Variants in CDH2 observed in about 807,000 individuals in gnomAD.
CDH2 encodes cadherin-2.
Under a neutral mutation model 92.0 loss-of-function variants are expected in CDH2, and 17 were observed. That is an observed-to-expected ratio of 0.18 (90% CI 0.13 to 0.28). The LOEUF (loss-of-function observed/expected upper bound fraction) is 0.28. Among genes scored for constraint, CDH2 ranks in the 10% least tolerant of loss-of-function variants. The pLI, the probability that CDH2 is intolerant of heterozygous loss-of-function variation, is 1.00. For missense variants in CDH2, 862 were observed against 1,133.1 expected (o/e 0.76, Z 3.44); for synonymous variants, 419 against 415.9 (o/e 1.01, Z -0.09).
At chr18:28,037,732 T>C (rs2013864517) in intron 2 of CDH2, among the ~76,000 whole-genome samples, 2 of 152,164 alleles carry the variant, frequency 1.3e-5, no homozygotes, top group East Asian at 1.9e-4. Context: ...TAGACAAGTG[T>C]CAAACATTTT....
intron 2 of CDH2, among the ~76,000 whole-genome samples, chr18:28,070,378 A>G (rs887267873): frequency 2.6e-5 from 4 of 152,160 alleles, no homozygotes; most frequent in Non-Finnish European, 4.4e-5. Context: ...TTAGCTGCTA[A>G]AGCTTGAGAA....
chr18:28,094,484 T>G (rs911855026), intron 2 of CDH2, among the ~76,000 whole-genome samples: 9 of 149,748 alleles, frequency 6.0e-5, no homozygotes, highest in Admixed American at 3.3e-4. Context: ...TTAGACTCTG[T>G]CCTTAAAAAA....
intron 5 of CDH2, among the ~76,000 whole-genome samples, chr18:28,008,430 G>A (rs1164453394): frequency 6.6e-6 from 1 of 152,182 alleles, no homozygotes; most frequent in African/African-American, 2.4e-5. Flanking sequence ...GCAATACTCA[G>A]TGCATAAGAC....
chr18:28,143,685 A>G (rs1263485337), intron 2 of CDH2, among the ~76,000 whole-genome samples: 1 of 1,160 alleles, frequency 8.6e-4, no homozygotes, highest in South Asian at 0.17. Flanking sequence ...GTGTTATACC[A>G]TAAGTTTTTT....
intron 2 of CDH2, among the ~76,000 whole-genome samples, chr18:28,049,451 T>C (rs2014146557): frequency 6.6e-6 from 1 of 152,182 alleles, no homozygotes; most frequent in Admixed American, 6.5e-5. Flanking sequence ...ATATACACTG[T>C]GGTAGTACTA....
chr18:27,969,973 C>T (rs897790149), intron 14 of CDH2, among the ~76,000 whole-genome samples: 3 of 152,060 alleles, frequency 2.0e-5, no homozygotes, highest in Admixed American at 2.0e-4. Context: ...GCACTCCAGC[C>T]TGGGCGACAA....
intron 6 of CDH2, among the ~76,000 whole-genome samples, chr18:27,943,118 G>A (rs1288306749): frequency 6.6e-6 from 1 of 152,006 alleles, no homozygotes; most frequent in Non-Finnish European, 1.5e-5. Flanking sequence ...TTTAATTTAG[G>A]TATATAAATA....
intron 13 of CDH2, among the ~76,000 whole-genome samples, chr18:27,984,381 C>A (rs1364275758): frequency 6.6e-6 from 1 of 152,124 alleles, no homozygotes; most frequent in East Asian, 1.9e-4. Flanking sequence ...TTTTTGCATT[C>A]CATTGAACCA....
intron 6 of CDH2, among the ~76,000 whole-genome samples, chr18:28,005,146 C>T (rs529556864): frequency 5.9e-5 from 9 of 152,292 alleles, no homozygotes; most frequent in East Asian, 3.9e-4. Context: ...GGTTTTCTAG[C>T]GGCCTGGCTT....
chr18:28,014,916 A>C (rs184049992), intron 2 of CDH2, among the ~76,000 whole-genome samples: 219 of 152,346 alleles, frequency 1.4e-3, no homozygotes, highest in African/African-American at 4.7e-3. Flanking sequence ...TTTCTGAAGA[A>C]AAATTCTATG....
At chr18:28,021,938 G>A (rs1262188297) in intron 2 of CDH2, among the ~76,000 whole-genome samples, 1 of 151,906 alleles carries the variant, frequency 6.6e-6, no homozygotes, top group African/African-American at 2.4e-5. Flanking sequence ...GTTTCACAGT[G>A]TTAACAAAAG....
chr18:28,060,385 C>G (rs1159021594), intron 2 of CDH2, among the ~76,000 whole-genome samples: 1 of 152,186 alleles, frequency 6.6e-6, no homozygotes, highest in East Asian at 1.9e-4. Flanking sequence ...CGAGGTTTCA[C>G]CATGTTGGTC....
At chr18:27,956,185 CA>C (rs1453340980) in intron 15 of CDH2, among the ~76,000 whole-genome samples, 1 of 152,162 alleles carries the variant, frequency 6.6e-6, no homozygotes, top group African/African-American at 2.4e-5. Flanking sequence ...CATTATTTCA[CA>C]GGATGTACTG....
At chr18:28,151,906 C>T (rs2016128701) in intron 1 of CDH2, among the ~76,000 whole-genome samples, 1 of 152,176 alleles carries the variant, frequency 6.6e-6, no homozygotes, top group Admixed American at 6.5e-5. Context: ...CAGTCATAGA[C>T]AATCAGTATA....
At chr18:28,160,062 A>C (rs1199566556) in intron 1 of CDH2, among the ~76,000 whole-genome samples, 1 of 152,080 alleles carries the variant, frequency 6.6e-6, no homozygotes. Flanking sequence ...TAAATTTCTA[A>C]ACCACAGAGT....
chr18:28,166,187 T>C (rs2016382583), intron 1 of CDH2, among the ~76,000 whole-genome samples: 1 of 142,350 alleles, frequency 7.0e-6, no homozygotes, highest in Admixed American at 6.9e-5. Flanking sequence ...TGTATTTTAA[T>C]TATGAAGAAT....
At chr18:28,063,989 G>A (rs551431955) in intron 2 of CDH2, among the ~76,000 whole-genome samples, 136 of 152,240 alleles carry the variant, frequency 8.9e-4, no homozygotes, top group Non-Finnish European at 1.3e-3. Flanking sequence ...TTAGACACAG[G>A]AAAAGGTAAT....
intron 2 of CDH2, among the ~76,000 whole-genome samples, chr18:28,047,235 CA>C (rs1036319735): frequency 1.4e-4 from 22 of 151,986 alleles, no homozygotes; most frequent in African/African-American, 5.3e-4. Flanking sequence ...TGCTAGAAGC[CA>C]AAAAGAAATG....
chr18:28,080,608 ATTTAT>A (rs1306536081), intron 2 of CDH2, among the ~76,000 whole-genome samples: 1 of 152,244 alleles, frequency 6.6e-6, no homozygotes, highest in Non-Finnish European at 1.5e-5. Flanking sequence ...CAGAGTTTAA[ATTTAT>A]TTTGTTTGTA....
Sources: gnomAD v4.1 joint callset for allele counts (sites outside exome capture counted in the v4.1 genomes callset) on GRCh38, gnomAD v4.1.1 for gene constraint, MANE v1.5 for transcripts, NCBI Gene and HGNC (gene_info 2026-07-23, HGNC 2026-07-21) for gene names.